BCKDHB: variants seen among roughly 807,000 people sequenced by gnomAD.
BCKDHB encodes 2-oxoisovalerate dehydrogenase subunit beta, mitochondrial.
BCKDHB carries 41 observed loss-of-function variants against 48.5 expected under a neutral mutation model. That is an observed-to-expected ratio of 0.85 (90% CI 0.66 to 1.10). BCKDHB has a LOEUF of 1.10. BCKDHB is among the 50% of genes least tolerant of loss of function. BCKDHB has a pLI of 0.00. For synonymous variants in BCKDHB, 201 were observed against 174.8 expected (o/e 1.15, Z -1.18); for missense variants, 496 against 494.2 (o/e 1.00, Z -0.03).
At chr6:80,268,360 A>G (rs77846949) in intron 8 of BCKDHB, among the ~76,000 whole-genome samples, 18 of 152,228 alleles carry the variant, frequency 1.2e-4, no homozygotes, top group Non-Finnish European at 2.6e-4. Context: ...CATTAGTTGT[A>G]CTTATATGTA....
At chr6:80,240,726 G>A (rs1286561936) in intron 8 of BCKDHB, among the ~76,000 whole-genome samples, 3 of 152,094 alleles carry the variant, frequency 2.0e-5, no homozygotes, top group Non-Finnish European at 2.9e-5. Context: ...GTGAGAGAGG[G>A]CATCCCTGTC....
chr6:80,304,003 A>G (rs1350425483), intron 9 of BCKDHB, among the ~76,000 whole-genome samples: 1 of 152,166 alleles, frequency 6.6e-6, no homozygotes, highest in East Asian at 1.9e-4. Flanking sequence ...ATTTTTGTGA[A>G]CAGAGGAATA....
chr6:80,394,354 T>G, the BCKDHB span, among the ~76,000 whole-genome samples: 11 of 152,288 alleles, frequency 7.2e-5, no homozygotes, highest in Admixed American at 7.2e-4. Flanking sequence ...TTCTTTATAT[T>G]CTGAATATAT....
the BCKDHB span, among the ~76,000 whole-genome samples, chr6:80,436,150 T>TC: frequency 1.0e-5 from 1 of 95,834 alleles, no homozygotes; most frequent in South Asian, 3.4e-4. Flanking sequence ...TTCTTTTCTT[T>TC]TTTTTTTTTT....
intron 9 of BCKDHB, among the ~76,000 whole-genome samples, chr6:80,302,411 T>C (rs1767632617): frequency 6.6e-6 from 1 of 152,192 alleles, no homozygotes; most frequent in Non-Finnish European, 1.5e-5. Context: ...GATTTTTTCT[T>C]ACAAATTTTT....
the BCKDHB span, chr6:80,355,312 A>G: frequency 6.9e-6 from 1 of 145,902 alleles, no homozygotes; most frequent in Non-Finnish European, 1.5e-5. Context: ...AGGTGGGAGA[A>G]TCTCTTGAAC....
At chr6:80,208,749 G>T (rs1166903244) in intron 8 of BCKDHB, among the ~76,000 whole-genome samples, 1 of 151,820 alleles carries the variant, frequency 6.6e-6, no homozygotes, top group Non-Finnish European at 1.5e-5. Flanking sequence ...AATCTGAATA[G>T]TCATGATCTA....
chr6:80,378,855 G>A, the BCKDHB span, among the ~76,000 whole-genome samples: 1 of 151,900 alleles, frequency 6.6e-6, no homozygotes, highest in Non-Finnish European at 1.5e-5. Flanking sequence ...TCTCATTGTG[G>A]TTTTAATTTG....
chr6:80,332,188 C>T (rs1769347048), intron 9 of BCKDHB, among the ~76,000 whole-genome samples: 1 of 151,992 alleles, frequency 6.6e-6, no homozygotes, highest in Non-Finnish European at 1.5e-5. Flanking sequence ...CTCATGAGAG[C>T]CCACAGCTCT....
intron 3 of BCKDHB, among the ~76,000 whole-genome samples, chr6:80,139,888 C>T (rs1334835549): frequency 6.6e-6 from 1 of 152,092 alleles, no homozygotes; most frequent in Non-Finnish European, 1.5e-5. Context: ...TATAAATTAC[C>T]TTGGGCAGTA....
At chr6:80,411,841 G>T in the BCKDHB span, among the ~76,000 whole-genome samples, 1 of 152,216 alleles carries the variant, frequency 6.6e-6, no homozygotes, top group Admixed American at 6.5e-5. Context: ...TTAGGCAGAA[G>T]TGTATCAGTT....
the BCKDHB span, among the ~76,000 whole-genome samples, chr6:80,375,130 G>A: frequency 1.3e-5 from 2 of 152,114 alleles, no homozygotes; most frequent in Admixed American, 1.3e-4. Flanking sequence ...TATGTGTCTA[G>A]GTGATGATCT....
At chr6:80,260,212 G>GGTGTGTGT (rs148736682) in intron 8 of BCKDHB, among the ~76,000 whole-genome samples, 17 of 151,132 alleles carry the variant, frequency 1.1e-4, no homozygotes, top group East Asian at 3.9e-4. Flanking sequence ...GGTAATGGTG[G>GGTGTGTGT]GTGTGTGTGT....
At chr6:80,406,283 CAT>C in the BCKDHB span, among the ~76,000 whole-genome samples, 2 of 152,320 alleles carry the variant, frequency 1.3e-5, no homozygotes, top group Admixed American at 6.5e-5. Context: ...CCGCAATAAA[CAT>C]ATGTGTGCAT....
At chr6:80,273,978 A>G (rs1777862588) in intron 9 of BCKDHB, among the ~76,000 whole-genome samples, 1 of 152,080 alleles carries the variant, frequency 6.6e-6, no homozygotes, top group Non-Finnish European at 1.5e-5. Context: ...TTTTAAATTC[A>G]GAATATCTTC....
Position 80,167,689 on chromosome 6 carries a change from G to A in BCKDHB, c.355G>A (p.Val119Ile). 1.2e-6 allele frequency: 2 copies of A among 1,609,882 alleles called. No homozygotes were observed. Among genetic ancestry groups the A allele is most frequent in the Non-Finnish European group, 1.7e-6 (2 of 1,176,250 alleles). Residue 119 changes from valine (V) to isoleucine (I), a missense_variant, in exon 4 of 10, where the codon GTT becomes ATT. Val to Ile is a conservative substitution (Grantham distance 29, BLOSUM62 3). Coordinates refer to ENST00000320393, the MANE Select transcript of BCKDHB (RefSeq NM_183050.4). ...TTTTCTATTTTAAGGAAAAGATAGA[G>A]TTTTTAATACCCCATTGTGTGAACA... ...GLRDKYGKDR[V>I]FNTPLCEQGI...
intron 9 of BCKDHB, among the ~76,000 whole-genome samples, chr6:80,283,689 T>C (rs1436502722): frequency 1.3e-5 from 2 of 152,110 alleles, no homozygotes; most frequent in African/African-American, 4.8e-5. Context: ...TTTCCATTCA[T>C]TGCATTGATC....
At chr6:80,464,317 T>C in the BCKDHB span, among the ~76,000 whole-genome samples, 1 of 151,948 alleles carries the variant, frequency 6.6e-6, no homozygotes, top group East Asian at 1.9e-4. Flanking sequence ...TTAGTAGAGA[T>C]GGGGTTTCAC....
intron 8 of BCKDHB, among the ~76,000 whole-genome samples, chr6:80,219,500 C>T (rs966294328): frequency 2.6e-5 from 4 of 152,162 alleles, no homozygotes; most frequent in African/African-American, 7.2e-5. Flanking sequence ...AGCCACCGCA[C>T]CCAGGGTACT....
Sources: allele counts gnomAD v4.1 joint callset (sites outside exome capture counted in the v4.1 genomes callset), GRCh38; gene constraint gnomAD v4.1.1; transcripts MANE v1.5; gene names NCBI Gene and HGNC (gene_info 2026-07-23, HGNC 2026-07-21).